The following PIP5K1B variants were observed in gnomAD, a reference collection of about 807,000 sequenced individuals.
PIP5K1B encodes the protein phosphatidylinositol 4-phosphate 5-kinase type-1 beta.
In PIP5K1B, 42 loss-of-function variants were observed where a neutral mutation model predicts 67.0. The ratio of observed to expected loss-of-function variants is 0.63; its 90% CI spans 0.49 to 0.81. The LOEUF (loss-of-function observed/expected upper bound fraction) is 0.81. Ranked by LOEUF, PIP5K1B falls within the 30% of genes least tolerant of loss-of-function variation. The probability of loss-of-function intolerance (pLI) is 0.00; values close to 1 mark genes in which losing one functional copy is unlikely to be tolerated. For missense variants in PIP5K1B, 459 were observed against 646.3 expected (o/e 0.71, Z 3.14); for synonymous variants, 214 against 231.4 (o/e 0.92, Z 0.68).
At chr9:68,954,671 A>G (rs552648498) in intron 14 of PIP5K1B, among the ~76,000 whole-genome samples, 1 of 152,348 alleles carries the variant, frequency 6.6e-6, no homozygotes, top group Admixed American at 6.5e-5. Flanking sequence ...TCCCAATGCC[A>G]ACATGCCCCA....
intron 5 of PIP5K1B, among the ~76,000 whole-genome samples, chr9:68,864,442 T>C (rs1823261008): frequency 1.3e-5 from 2 of 152,256 alleles, no homozygotes; most frequent in South Asian, 4.1e-4. Flanking sequence ...TAACTTAACT[T>C]TCCTCGAGAA....
chr9:68,806,509 A>G (rs11143781), intron 2 of PIP5K1B, among the ~76,000 whole-genome samples: 1,910 of 152,180 alleles, frequency 0.013, 18 homozygotes, highest in Non-Finnish European at 0.017. Context: ...TACAATTTTT[A>G]TTGGCCTCCT....
chr9:68,769,396 G>A (rs1830576904), intron 2 of PIP5K1B, among the ~76,000 whole-genome samples: 1 of 151,876 alleles, frequency 6.6e-6, no homozygotes, highest in South Asian at 2.1e-4. Flanking sequence ...TACATCTGAT[G>A]GTCAGATCTG....
chr9:68,894,867 T>A (rs953223340), intron 8 of PIP5K1B, among the ~76,000 whole-genome samples: 4 of 152,216 alleles, frequency 2.6e-5, no homozygotes, highest in Admixed American at 2.0e-4. Context: ...ATTTTACTAA[T>A]AAGCTAAGTC....
intron 8 of PIP5K1B, among the ~76,000 whole-genome samples, chr9:68,902,170 C>A (rs1050272495): frequency 6.6e-6 from 1 of 152,088 alleles, no homozygotes; most frequent in East Asian, 1.9e-4. Flanking sequence ...CAATTTCAGA[C>A]GTACATAGAT....
At chr9:68,912,128 C>T (rs1217914932) in intron 8 of PIP5K1B, among the ~76,000 whole-genome samples, 1 of 152,094 alleles carries the variant, frequency 6.6e-6, no homozygotes, top group Non-Finnish European at 1.5e-5. Flanking sequence ...ACCCCCCAGT[C>T]GAAAGTAGGT....
chr9:68,789,194 T>C, intron 2 of PIP5K1B: 4 of 535,522 alleles, frequency 7.5e-6, no homozygotes, highest in South Asian at 5.0e-5. Flanking sequence ...CAGTGGGAAG[T>C]TGGTCACCCA....
chr9:69,004,473 C>T (rs1326322313), intron 15 of PIP5K1B, among the ~76,000 whole-genome samples: 3 of 152,132 alleles, frequency 2.0e-5, no homozygotes, highest in East Asian at 1.9e-4. Flanking sequence ...AACTTCACCA[C>T]AGTTAGGTTG....
intron 15 of PIP5K1B, 92 bp downstream of exon 15, chr9:68,991,349 G>C (rs1006076464): frequency 2.8e-6 from 2 of 712,480 alleles, no homozygotes; most frequent in Non-Finnish European, 5.1e-6. Context: ...ATAAAACCAG[G>C]CATGCTTGGG....
chr9:68,761,417 T>G (rs1276910072), intron 2 of PIP5K1B, among the ~76,000 whole-genome samples: 1 of 152,154 alleles, frequency 6.6e-6, no homozygotes, highest in African/African-American at 2.4e-5. Context: ...ATTTCTTCTC[T>G]GAGGTGAAAT....
chr9:68,888,507 G>C (rs888909376), intron 6 of PIP5K1B, among the ~76,000 whole-genome samples: 1 of 152,210 alleles, frequency 6.6e-6, no homozygotes. Context: ...GAAAGATCTG[G>C]GCTAGAGATA....
intron 2 of PIP5K1B, among the ~76,000 whole-genome samples, chr9:68,770,557 A>G (rs966844268): frequency 6.6e-6 from 1 of 152,240 alleles, no homozygotes; most frequent in Non-Finnish European, 1.5e-5. Flanking sequence ...GTAAGGAACC[A>G]GGCCACACAG....
chr9:68,770,983 TCATAGTTAAAAC>T (rs1309994693), intron 2 of PIP5K1B, among the ~76,000 whole-genome samples: 2 of 152,182 alleles, frequency 1.3e-5, no homozygotes, highest in African/African-American at 2.4e-5. Context: ...AGCATATCGA[TCATAGTTAAAAC>T]CATGGGAGTG....
chr9:68,899,888 A>T (rs1825276749), intron 8 of PIP5K1B, among the ~76,000 whole-genome samples: 1 of 152,202 alleles, frequency 6.6e-6, no homozygotes, highest in Non-Finnish European at 1.5e-5. Flanking sequence ...CCTAATAGGT[A>T]AATTTTCCAT....
intron 2 of PIP5K1B, among the ~76,000 whole-genome samples, chr9:68,791,831 T>G (rs1219581243): frequency 6.6e-6 from 1 of 152,218 alleles, no homozygotes; most frequent in Non-Finnish European, 1.5e-5. Flanking sequence ...AACTATGCAG[T>G]ATGAGTAAAA....
chr9:68,861,831 A>T (rs1437615211), intron 4 of PIP5K1B, among the ~76,000 whole-genome samples: 1 of 152,072 alleles, frequency 6.6e-6, no homozygotes, highest in African/African-American at 2.4e-5. Flanking sequence ...ACTGACGCCA[A>T]ATGGTGGCAT....
At position 68,934,933 on chromosome 9, in the gene PIP5K1B, C is replaced by T. The variant is rs377485097; in HGVS notation, c.1245C>T (p.Ala415=). The T allele has an allele frequency of 1.4e-5, 23 of 1,612,750 alleles. No individual in the cohort carries two copies. Among genetic ancestry groups the T allele is most frequent in the Non-Finnish European group, 1.8e-5 (21 of 1,179,264 alleles). Residue 415 remains alanine, a synonymous_variant, in exon 13 of 16, where the codon GCC becomes GCT. Coordinates refer to ENST00000265382, the MANE Select transcript of PIP5K1B (RefSeq NM_003558.4). ...CTAAGAAACGGTGCAATTCAATCGCCGCCCTAAAGGCCACTTCACAGGAGA... is the reference window on the plus strand; with the variant it reads ...CTAAGAAACGGTGCAATTCAATCGCTGCCCTAAAGGCCACTTCACAGGAGA... ...SPSKKRCNSI[A]ALKATSQEIV... is the part of the protein sequence containing the mutation.
At chr9:68,912,229 G>T (rs772141368) in intron 8 of PIP5K1B, among the ~76,000 whole-genome samples, 1 of 152,132 alleles carries the variant, frequency 6.6e-6, no homozygotes, top group African/African-American at 2.4e-5. Context: ...GTTGAGTATG[G>T]AATAATTATC....
chr9:69,000,894 C>T (rs1021689223), intron 15 of PIP5K1B, among the ~76,000 whole-genome samples: 3 of 144,538 alleles, frequency 2.1e-5, no homozygotes. Context: ...GGGAGCACAA[C>T]TTTTTTTTTT....
Sources: gnomAD v4.1 joint callset for allele counts (sites outside exome capture counted in the v4.1 genomes callset) on GRCh38, gnomAD v4.1.1 for gene constraint, MANE v1.5 for transcripts, NCBI Gene and HGNC (gene_info 2026-07-23, HGNC 2026-07-21) for gene names.